Variants in SLC1A4 observed in about 807,000 individuals in gnomAD.
SLC1A4 encodes the protein neutral amino acid transporter A.
Under a neutral mutation model 37.7 loss-of-function variants are expected in SLC1A4, and 19 were observed. The ratio of observed to expected loss-of-function variants is 0.50; its 90% CI spans 0.35 to 0.74. SLC1A4 has a LOEUF of 0.74. SLC1A4 is among the 30% of genes least tolerant of loss of function. The pLI is 0.01. For synonymous variants in SLC1A4, 299 were observed against 309.8 expected (o/e 0.97, Z 0.37); for missense variants, 570 against 712.9 (o/e 0.80, Z 2.28).
In SLC1A4 at chr2:64,993,117, C is replaced by T. The variant is rs12617488; in HGVS notation, c.527+2947C>T. Among the ~76,000 whole-genome samples, 106 of 152,328 alleles carry T rather than the reference C, an allele frequency of 7.0e-4. 1 individual carries two copies. In the East Asian group the frequency reaches 0.017, roughly 24 times the overall value. ...AATGAAATGAGACTCTGCCAGTAAA[C>T]GCCTCAGTTATCCAGCAGGCCCTCT... is the stretch of plus-strand genomic sequence containing the variant. On this transcript the variant is annotated intron_variant, in intron 1 of 7. Coordinates refer to ENST00000234256, the MANE Select transcript of SLC1A4 (RefSeq NM_003038.5).
chr2:64,988,912 C>T (rs1347480149), upstream of SLC1A4, among the ~76,000 whole-genome samples: 3 of 152,048 alleles, frequency 2.0e-5, no homozygotes, highest in Non-Finnish European at 4.4e-5. Context: ...GAGAGGGATC[C>T]TCCCCTCTCC....
intron 1 of SLC1A4, among the ~76,000 whole-genome samples, chr2:64,997,930 T>C (rs1279472406): frequency 1.4e-5 from 2 of 143,488 alleles, no homozygotes; most frequent in Non-Finnish European, 3.0e-5. Context: ...GGTGAAACCC[T>C]GTCTGCATTA....
rs139374521 is a variant in SLC1A4, at chr2:65,021,330, A to G, written c.*184A>G. 352 of 598,404 alleles carry G rather than the reference A, an allele frequency of 5.9e-4. 1 individual carries two copies. In the East Asian group the frequency reaches 9.4e-3, roughly 16 times the overall value. 37.1% of individuals were successfully genotyped at this position (598,404 alleles called of 1,614,324 possible). A position where few individuals can be genotyped will look rare whatever the true frequency, so the allele number is the denominator to read the frequency against. On this transcript the variant is annotated 3_prime_UTR_variant, in exon 8 of 8. Transcript: ENST00000234256. Reference sequence around the variant, plus strand: ...TTGGGCTCCCCAGCCGGAACTGGTTACCAAGGACAAGGACACTCTGACATT... The same window carrying G: ...TTGGGCTCCCCAGCCGGAACTGGTTGCCAAGGACAAGGACACTCTGACATT...
At chr2:64,993,864 T>C (rs1247570459) in intron 1 of SLC1A4, among the ~76,000 whole-genome samples, 1 of 152,210 alleles carries the variant, frequency 6.6e-6, no homozygotes, top group Non-Finnish European at 1.5e-5. Context: ...TTCTGGGTTC[T>C]AAAGCTGTTA....
In SLC1A4 at chr2:65,018,367, G is replaced by A; in HGVS notation, c.1229+102G>A. The A allele has an allele frequency of 1.4e-6, 2 of 1,403,296 alleles. No homozygotes were observed. Among genetic ancestry groups the A allele is most frequent in the Non-Finnish European group, 2.0e-6 (2 of 1,023,074 alleles). The allele number at this position is 1,403,296 out of a possible 1,614,324, so 86.9% of individuals were successfully genotyped here. A position where few individuals can be genotyped will look rare whatever the true frequency, so the allele number is the denominator to read the frequency against. ...CAACTTGGTGTCTCGCTCATAAAAT[G>A]AGGACAGTGGGGATTCATTACTTGA... On this transcript the variant is annotated intron_variant, in intron 6 of 7. Coordinates refer to ENST00000234256, the MANE Select transcript of SLC1A4 (RefSeq NM_003038.5). The surrounding 1 kb of genome is among the most constrained non-coding windows in gnomAD (Gnocchi z 4.3).
At chr2:65,003,690 C>T (rs564305044) in intron 2 of SLC1A4, among the ~76,000 whole-genome samples, 2 of 152,284 alleles carry the variant, frequency 1.3e-5, no homozygotes. Flanking sequence ...CAAACCATTG[C>T]CCAAAGAACA....
Position 65,014,151 on chromosome 2 carries a change from A to G in SLC1A4, c.801-2289A>G, listed in dbSNP as rs536187686. Among the ~76,000 whole-genome samples, 22 of 152,338 alleles carry G rather than the reference A, an allele frequency of 1.4e-4. No individual in the cohort carries two copies. The South Asian group carries it at 4.3e-3, about 30-fold the overall frequency. ...ATAAAAAGCTGCTAAACTTAACCAC[A>G]TCAAAATATAAAAAGTCTGCATGCA... On this transcript the variant is annotated intron_variant, in intron 4 of 7. Transcript: ENST00000234256.
intron 1 of SLC1A4, among the ~76,000 whole-genome samples, chr2:64,999,052 G>T (rs912410674): frequency 6.6e-6 from 1 of 152,176 alleles, no homozygotes; most frequent in Non-Finnish European, 1.5e-5. Context: ...AAATGGAAAT[G>T]AAATGCCAAA....
At position 65,016,568 on chromosome 2, in the gene SLC1A4, G is replaced by A; in HGVS notation, c.929G>A (p.Gly310Glu). The change falls in exon 5 of 8, where the codon GGA becomes GAA. Residue 310 changes from glycine to glutamate, a missense_variant. Transcript: ENST00000234256. ...ASILGHVIHG[G>E]IVLPLIYFVF... ...ATATTGGGCCATGTTATTCATGGAG[G>A]AATTGTTCTGCCACTTATTTATTTT... 6.2e-7 allele frequency: 1 copy of A among 1,614,202 alleles called. No homozygotes were observed. The highest frequency in any genetic ancestry group is 8.5e-7 in the Non-Finnish European group (1 of 1,180,018).
intron 3 of SLC1A4, among the ~76,000 whole-genome samples, chr2:65,004,530 C>T (rs1673604040): frequency 6.6e-6 from 1 of 151,766 alleles, no homozygotes; most frequent in African/African-American, 2.4e-5. Flanking sequence ...TCACATAATC[C>T]TCCCACCTTT....
rs1363309689 is a variant in SLC1A4, at chr2:65,010,662, A to G, written c.699A>G (p.Leu233=). Residue 233 remains leucine (L), a synonymous_variant, in exon 4 of 8, where the codon TTA becomes TTG. Transcript: ENST00000234256. ...GATTGGTCCTGTTTGCTCTGGTGTT[A>G]GGAGTGGCCTTAAAGAAACTAGGCT... The part of the protein sequence containing the change: ...ILGLVLFALV[L]GVALKKLGSE... The G allele has an allele frequency of 6.2e-7, 1 of 1,614,164 alleles. No homozygotes were observed. The highest frequency in any genetic ancestry group is 8.5e-7 in the Non-Finnish European group (1 of 1,179,994).
At chr2:65,010,973 C>A (rs1423619762) in intron 4 of SLC1A4, among the ~76,000 whole-genome samples, 2 of 152,176 alleles carry the variant, frequency 1.3e-5, no homozygotes, top group Non-Finnish European at 2.9e-5. Context: ...CAGGCATGCA[C>A]CACACTTACC....
At chr2:65,012,102 T>TTTCTTGAGACAGGG (rs1364118972) in intron 4 of SLC1A4, among the ~76,000 whole-genome samples, 1 of 151,062 alleles carries the variant, frequency 6.6e-6, no homozygotes, top group Non-Finnish European at 1.5e-5. Flanking sequence ...GTTTTTTTGT[T>TTTCTTGAGACAGGG]TTCTTGAGAC....
intron 3 of SLC1A4, among the ~76,000 whole-genome samples, chr2:65,006,254 G>A (rs1340465097): frequency 6.6e-6 from 1 of 152,170 alleles, no homozygotes; most frequent in Admixed American, 6.5e-5. Context: ...CACTTTGGGA[G>A]GCCAAGGCAG....
At chr2:64,997,258 T>C (rs910198553) in intron 1 of SLC1A4, among the ~76,000 whole-genome samples, 2 of 152,234 alleles carry the variant, frequency 1.3e-5, no homozygotes, top group African/African-American at 4.8e-5. Flanking sequence ...CCATTGAATG[T>C]ACGTATTTTT....
rs1674255198 is a variant in SLC1A4 at position 65,018,407 on chromosome 2, C to T, written c.1230-138C>T. The T allele has an allele frequency of 1.4e-6, 2 of 1,389,066 alleles. No individual in the cohort carries two copies. Among genetic ancestry groups the T allele is most frequent in the Non-Finnish European group, 2.0e-6 (2 of 1,020,746 alleles). The allele number at this position is 1,389,066 out of a possible 1,614,324, so 86.0% of individuals were successfully genotyped here. A position where few individuals can be genotyped will look rare whatever the true frequency, so the allele number is the denominator to read the frequency against. On this transcript the variant is annotated intron_variant, in intron 6 of 7. Coordinates refer to ENST00000234256, the MANE Select transcript of SLC1A4 (RefSeq NM_003038.5). This position sits in a 1 kb window ranked among gnomAD's most constrained non-coding sequence, Gnocchi z 4.3. ...TCATTACTTGAAGAGCGTGTGTTGA[C>T]TCTCAAGGGCGTAGCCAGCAGAGCC... is the stretch of plus-strand genomic sequence containing the variant.
chr2:65,000,884 C>G (rs72818266), intron 1 of SLC1A4: 5,017 of 152,688 alleles, frequency 0.033, 133 homozygotes, highest in Non-Finnish European at 0.051. Flanking sequence ...ACACTCCCCC[C>G]AATTGGGGAA....
chr2:65,006,882 G>A (rs557010453), intron 3 of SLC1A4, among the ~76,000 whole-genome samples: 13 of 152,294 alleles, frequency 8.5e-5, no homozygotes, highest in Non-Finnish European at 1.8e-4. Context: ...TAAGATTACT[G>A]TACTCTAGAC....
intron 5 of SLC1A4, 71 bp downstream of exon 5, chr2:65,016,744 A>G (rs1674155008): frequency 3.2e-6 from 3 of 932,920 alleles, no homozygotes; most frequent in South Asian, 2.6e-5. Flanking sequence ...CCAGTGGTAG[A>G]TGCACAACCA....
Sources: gnomAD v4.1 joint callset for allele counts (sites outside exome capture counted in the v4.1 genomes callset) on GRCh38, gnomAD v4.1.1 for gene constraint, Gnocchi (gnomAD v3.1) non-coding constraint, MANE v1.5 for transcripts, NCBI Gene and HGNC (gene_info 2026-07-23, HGNC 2026-07-21) for gene names.